The following TMEM8B variants were observed in gnomAD, a reference collection of about 807,000 sequenced individuals.
TMEM8B encodes the protein transmembrane protein 8B.
In TMEM8B, 29 loss-of-function variants were observed where a neutral mutation model predicts 49.3. The observed-to-expected ratio is 0.59, with a 90% CI of 0.44 to 0.80. TMEM8B has a LOEUF of 0.80. Ranked by LOEUF, TMEM8B falls within the 30% of genes least tolerant of loss-of-function variation. TMEM8B has a pLI of 0.00. For missense variants in TMEM8B, 575 were observed against 658.5 expected, an observed-to-expected ratio of 0.87 and a Z score of 1.39; for synonymous variants, 264 against 272.8, an observed-to-expected ratio of 0.97 and a Z score of 0.32.
chr9:35,841,325 T>G lies in TMEM8B; in HGVS notation c.1040+58T>G. 2.4e-6 allele frequency: 1 copy of G among 416,884 alleles called. No individual in the cohort carries two copies. The highest frequency in any genetic ancestry group is 4.4e-6 in the Non-Finnish European group (1 of 227,462). The allele number at this position is 416,884 out of a possible 1,614,324, so 25.8% of individuals were successfully genotyped here. On this transcript the variant is annotated intron_variant, in intron 4 of 12. Coordinates refer to ENST00000643932, the MANE Select transcript of TMEM8B (RefSeq NM_001042590.4). This position sits in a 1 kb window ranked among gnomAD's most constrained non-coding sequence, Gnocchi z 5.9. ...CCCTCTTCTGTGGCCTCATACAGGC[T>G]GCAGGGTTCTCTCTTGGCTTCTCCA...
Position 35,853,355 on chromosome 9 carries a change from C to T in TMEM8B, c.2439+98C>T, listed in dbSNP as rs1219586668. ...CAGTTTAAGGTGGGCTTGGCTCTGTCGTCATCACCTGCTGCTGGCAGTGTC... is the reference window on the plus strand; with the variant it reads ...CAGTTTAAGGTGGGCTTGGCTCTGTTGTCATCACCTGCTGCTGGCAGTGTC... On this transcript the variant is annotated intron_variant, in intron 12 of 12. Transcript: ENST00000643932. The surrounding 1 kb of genome is among the most constrained non-coding windows in gnomAD (Gnocchi z 4.2). 12 of 1,443,538 alleles carry T rather than the reference C, an allele frequency of 8.3e-6. No individual in the cohort carries two copies. The highest frequency in any genetic ancestry group is 1.8e-5 in the Admixed American group (1 of 55,608). 89.4% of individuals were successfully genotyped at this position (1,443,538 alleles called of 1,614,324 possible). A position where few individuals can be genotyped will look rare whatever the true frequency, so the allele number is the denominator to read the frequency against.
At position 35,863,186 on chromosome 9, in the gene TMEM8B, G is replaced by A. The variant is rs921196712; in HGVS notation, c.*9346G>A. 5 of 152,250 alleles carry A rather than the reference G, an allele frequency of 3.3e-5. No individual in the cohort carries two copies. Among genetic ancestry groups the A allele is most frequent in the African/African-American group, 7.2e-5 (3 of 41,398 alleles). The allele number at this position is 152,250 out of a possible 1,614,324, so 9.4% of individuals were successfully genotyped here. A position where few individuals can be genotyped will look rare whatever the true frequency, so the allele number is the denominator to read the frequency against. ...GCAAACGAAGAACGCTGAACCCAAG[G>A]TCTTGCCTCAAAATCAATTCCCCCT... On this transcript the variant is annotated 3_prime_UTR_variant, in exon 13 of 13. Coordinates refer to ENST00000643932, the MANE Select transcript of TMEM8B (RefSeq NM_001042590.4).
chr9:35,853,674 C>A lies in TMEM8B; in HGVS notation c.2609C>A (p.Ala870Glu). ...YIHSIWHMLI[A>E]GSVGFLLPPR... ...CACAGCATTTGGCATATGCTCATTG[C>A]GGGCAGTGTGGGCTTCCTGCTGCCC... is the stretch of plus-strand genomic sequence containing the variant. Residue 870 changes from alanine (A) to glutamate (E), a missense_variant, in exon 13 of 13, where the codon GCG becomes GAG. Transcript: ENST00000643932. This position sits in a 1 kb window ranked among gnomAD's most constrained non-coding sequence, Gnocchi z 4.2. The A allele has an allele frequency of 1.2e-6, 2 of 1,614,194 alleles. No individual in the cohort carries two copies. The highest frequency in any genetic ancestry group is 1.7e-6 in the Non-Finnish European group (2 of 1,180,024).
At chr9:35,852,668 A>G (rs1027608529) in intron 10 of TMEM8B, among the ~76,000 whole-genome samples, 159 bp from the exon 11 acceptor site, 6 of 152,044 alleles carry the variant, frequency 3.9e-5, no homozygotes, top group African/African-American at 1.2e-4. Flanking sequence ...CATTCTTCTC[A>G]GGATTTGGGG....
In TMEM8B at chr9:35,861,839, TAC is replaced by T; in HGVS notation, c.*8000_*8001del. 6.6e-6 allele frequency: 1 copy of T among 152,196 alleles called. No individual in the cohort carries two copies. The highest frequency in any genetic ancestry group is 1.5e-5 in the Non-Finnish European group (1 of 68,056). 9.4% of individuals were successfully genotyped at this position (152,196 alleles called of 1,614,324 possible). On this transcript the variant is annotated 3_prime_UTR_variant, in exon 13 of 13. Transcript: ENST00000643932. ...TATCTACAGGTTCCTGCTCCATCTATACTAGCCACCTCCTGGACAAGGGCTCC... is the reference window on the plus strand; with the variant it reads ...TATCTACAGGTTCCTGCTCCATCTATTAGCCACCTCCTGGACAAGGGCTCC...
chr9:35,832,192 TG>T, intron 1 of TMEM8B, among the ~76,000 whole-genome samples: 1 of 151,750 alleles, frequency 6.6e-6, no homozygotes, highest in East Asian at 1.9e-4. Context: ...TGTGTGTGTG[TG>T]TGTGTGTATG....
At chr9:35,844,111 T>TA (rs1321968903) in intron 6 of TMEM8B, among the ~76,000 whole-genome samples, 1 of 152,222 alleles carries the variant, frequency 6.6e-6, no homozygotes, top group Non-Finnish European at 1.5e-5. Flanking sequence ...CCACATTAAT[T>TA]ACTTTGTTTA....
intron 6 of TMEM8B, among the ~76,000 whole-genome samples, chr9:35,843,938 A>G (rs540298155): frequency 2.0e-5 from 3 of 151,808 alleles, no homozygotes; most frequent in African/African-American, 7.3e-5. Context: ...AATTTTTTGT[A>G]TTTTTAGTAG....
Position 35,853,070 on chromosome 9 carries a change from G to C in TMEM8B, c.2323-71G>C. 6.2e-7 allele frequency: 1 copy of C among 1,608,886 alleles called. No individual in the cohort carries two copies. Among genetic ancestry groups the C allele is most frequent in the Non-Finnish European group, 8.5e-7 (1 of 1,175,976 alleles). ...GGGGGCATTTCCAAGTGCCTCTCAT[G>C]ATTCTGACCCAGGCCCTGGAGTGCT... On this transcript the variant is annotated intron_variant, in intron 11 of 12. Coordinates refer to ENST00000643932, the MANE Select transcript of TMEM8B (RefSeq NM_001042590.4). The surrounding 1 kb of genome is among the most constrained non-coding windows in gnomAD (Gnocchi z 4.2).
intron 10 of TMEM8B, among the ~76,000 whole-genome samples, chr9:35,852,186 C>T (rs1468311375): frequency 6.6e-6 from 1 of 152,244 alleles, no homozygotes; most frequent in Non-Finnish European, 1.5e-5. Context: ...CAATAGTCCA[C>T]TCTTCACTAT....
Position 35,841,103 on chromosome 9 carries a change from C to T in TMEM8B, c.907-31C>T. ...GTTTAGTCACACCCCTGCTGTCTCT[C>T]CCTCTCCTGCCACCCCTGCTTTTGT... is the stretch of plus-strand genomic sequence containing the variant. On this transcript the variant is annotated intron_variant, in intron 3 of 12. Coordinates refer to ENST00000643932, the MANE Select transcript of TMEM8B (RefSeq NM_001042590.4). This position sits in a 1 kb window ranked among gnomAD's most constrained non-coding sequence, Gnocchi z 5.9. 3 of 415,408 alleles carry T rather than the reference C, an allele frequency of 7.2e-6. No homozygotes were observed. In the East Asian group the frequency reaches 1.1e-4, roughly 15 times the overall value. 25.7% of individuals were successfully genotyped at this position (415,408 alleles called of 1,614,324 possible).
rs779528809 is a variant in TMEM8B at position 35,852,852 on chromosome 9, G to C, written c.2201G>C (p.Gly734Ala). ...TTCTATCATGCCTGTGACCAGCCAGGCATCGTGGTTTTCTGCATCATGGAC... is the reference window on the plus strand; with the variant it reads ...TTCTATCATGCCTGTGACCAGCCAGCCATCGTGGTTTTCTGCATCATGGAC... Reference protein sequence around the residue: ...STFYHACDQPGIVVFCIMDYD... With the variant: ...STFYHACDQPAIVVFCIMDYD... Residue 734 changes from glycine to alanine, a missense_variant, in exon 11 of 13, where the codon GGC becomes GCC. Physicochemically the swap from Gly to Ala is moderately conservative, Grantham distance 60. Transcript: ENST00000643932. The C allele has an allele frequency of 1.2e-6, 2 of 1,614,144 alleles. No homozygotes were observed. The highest frequency in any genetic ancestry group is 1.7e-6 in the Non-Finnish European group (2 of 1,180,016).
chr9:35,834,373 C>T, intron 1 of TMEM8B, 88 bp from the exon 2 acceptor site: 1 of 402,120 alleles, frequency 2.5e-6, no homozygotes, highest in Middle Eastern at 6.2e-4. Flanking sequence ...GGAGTTGATG[C>T]TATTGGTGAG....
chr9:35,850,947 G>T (rs1832078219), intron 10 of TMEM8B, among the ~76,000 whole-genome samples: 1 of 152,106 alleles, frequency 6.6e-6, no homozygotes. Flanking sequence ...CTTATGTCTG[G>T]TCTTGGAGGC....
chr9:35,847,011 T>C lies in TMEM8B; in HGVS notation c.2175+16T>C. 3 of 1,614,226 alleles carry C rather than the reference T, an allele frequency of 1.9e-6. No homozygotes were observed. The highest frequency in any genetic ancestry group is 2.5e-6 in the Non-Finnish European group (3 of 1,180,030). Reference sequence around the variant, plus strand: ...CTTCTCCACGGTATGCGGTGGTGTCTGCATCTTATCACTGGGTGCTTGTGC... The same window carrying C: ...CTTCTCCACGGTATGCGGTGGTGTCCGCATCTTATCACTGGGTGCTTGTGC... On this transcript the variant is annotated intron_variant, in intron 10 of 12. Transcript: ENST00000643932.
chr9:35,852,882 A>G lies in TMEM8B; in HGVS notation c.2231A>G (p.Asp744Gly). 1 of 1,614,066 alleles carries G rather than the reference A, an allele frequency of 6.2e-7. No individual in the cohort carries two copies. The highest frequency in any genetic ancestry group is 8.5e-7 in the Non-Finnish European group (1 of 1,180,010). Residue 744 changes from aspartate to glycine, a missense_variant, in exon 11 of 13, where the codon GAT becomes GGT. By Grantham distance (94) the Asp-to-Gly change is moderately conservative (BLOSUM62 -1). Transcript: ENST00000643932. ...GTGGTTTTCTGCATCATGGACTACG[A>G]TGTGCTGCAGTTCTGTGATTTCCTG... ...GIVVFCIMDY[D>G]VLQFCDFLGS...
rs749382491 is a variant in TMEM8B, at chr9:35,846,054, T to C, written c.1715T>C (p.Val572Ala). 1.2e-5 allele frequency: 20 copies of C among 1,609,096 alleles called. No homozygotes were observed. The highest frequency in any genetic ancestry group is 5.1e-5 in the Admixed American group (3 of 59,338). The stretch of plus-strand genomic sequence containing the variant: ...CCCTTGAGCCTGGGGGATGCAGCAG[T>C]GACCTGTTCCAAAGGTGAGGTGAGG... ...EVPLSLGDAA[V>A]TCSKESLAGF... The change falls in exon 7 of 13, where the codon GTG becomes GCG. Residue 572 changes from valine to alanine, a missense_variant. By Grantham distance (64) the Val-to-Ala change is moderately conservative. Transcript: ENST00000643932.
At position 35,841,200 on chromosome 9, in the gene TMEM8B, G is replaced by A. The variant is rs567554492; in HGVS notation, c.973G>A (p.Ala325Thr). 8.9e-5 allele frequency: 37 copies of A among 416,102 alleles called. No homozygotes were observed. Among genetic ancestry groups the A allele is most frequent in the Admixed American group, 2.2e-4 (5 of 22,736 alleles). 25.8% of individuals were successfully genotyped at this position (416,102 alleles called of 1,614,324 possible). ...QLIVRRLLDV[A>T]VLVPGRPSEQ... ...GATTGTCCGGCGTTTGCTGGACGTC[G>A]CTGTGCTGGTTCCTGGCCGGCCCTC... Residue 325 changes from alanine to threonine, a missense_variant, in exon 4 of 13, where the codon GCT (alanine) becomes ACT (threonine). Coordinates refer to ENST00000643932, the MANE Select transcript of TMEM8B (RefSeq NM_001042590.4). This position sits in a 1 kb window ranked among gnomAD's most constrained non-coding sequence, Gnocchi z 5.9.
intron 10 of TMEM8B, among the ~76,000 whole-genome samples, chr9:35,851,831 A>T (rs1445510109): frequency 6.6e-6 from 1 of 152,080 alleles, no homozygotes; most frequent in African/African-American, 2.4e-5. Context: ...TGAAGTTGTA[A>T]TTTTTGCAGT....
Sources: allele counts gnomAD v4.1 joint callset (sites outside exome capture counted in the v4.1 genomes callset), GRCh38; gene constraint gnomAD v4.1.1; non-coding constraint Gnocchi (gnomAD v3.1); transcripts MANE v1.5; gene names NCBI Gene and HGNC (gene_info 2026-07-23, HGNC 2026-07-21).